Variants in UGT2B7 observed in about 807,000 individuals in gnomAD.
The protein encoded by UGT2B7 is UDP glucuronosyltransferase family 2 member B7.
A neutral mutation model predicts 51.9 loss-of-function variants in UGT2B7; 51 were observed. That is an observed-to-expected ratio of 0.98 (90% CI 0.78 to 1.24). UGT2B7 has a LOEUF of 1.24. Among genes scored for constraint, UGT2B7 ranks in the 50% most tolerant of loss-of-function variants. The pLI, the probability that UGT2B7 is intolerant of heterozygous loss-of-function variation, is 0.00. For synonymous variants in UGT2B7, 225 were observed against 211.6 expected (o/e 1.06, Z -0.55); for missense variants, 727 against 628.4 (o/e 1.16, Z -1.68).
rs12647682 is a variant in UGT2B7, at chr4:69,097,450, A to G, written c.721+209A>G. ...AAAACCCTGTGGCCATCACTCACAC[A>G]GAACACCCCAGGAAATCATAAACCT... On this transcript the variant is annotated intron_variant, in intron 1 of 5. Coordinates refer to ENST00000305231, the MANE Select transcript of UGT2B7 (RefSeq NM_001074.4). 0.58 allele frequency among the ~76,000 whole-genome samples: 87,177 copies of G among 151,452 alleles called. 26,058 individuals are homozygous for G. Among genetic ancestry groups the G allele is most frequent in the African/African-American group, 0.71 (29,408 of 41,316 alleles).
chr4:69,107,678 C>T (rs1371608289), intron 4 of UGT2B7, among the ~76,000 whole-genome samples: 1 of 152,268 alleles, frequency 6.6e-6, no homozygotes, highest in African/African-American at 2.4e-5. Context: ...CTTAATCATA[C>T]AGTGATGATA....
At chr4:69,105,543 T>C (rs1399295828) in intron 3 of UGT2B7, among the ~76,000 whole-genome samples, 1 of 152,210 alleles carries the variant, frequency 6.6e-6, no homozygotes, top group African/African-American at 2.4e-5. Flanking sequence ...CAAAGCTTTG[T>C]AGCACGTTGT....
intron 5 of UGT2B7, 42 bp from the exon 6 acceptor site, chr4:69,112,415 A>G: frequency 6.3e-7 from 1 of 1,589,314 alleles, no homozygotes. Flanking sequence ...TTTTGTCTGT[A>G]ACTCTTCCTG....
chr4:69,072,880 C>T (rs1401482638), intron 1 of UGT2B7, among the ~76,000 whole-genome samples: 1 of 152,058 alleles, frequency 6.6e-6, no homozygotes, highest in African/African-American at 2.4e-5. Context: ...CATTTGTTAT[C>T]ATTATAAAAG....
chr4:69,097,007 C>A lies in UGT2B7; in HGVS notation c.487C>A (p.Leu163Ile). ...IFPCSELLAE[L>I]FNIPFVYSLS... ...TCCCTGTAGTGAGCTGCTGGCTGAG[C>A]TATTTAACATACCCTTTGTGTACAG... The change falls in exon 1 of 6, where the codon CTA (leucine) becomes ATA (isoleucine). Residue 163 changes from leucine (L) to isoleucine (I), a missense_variant. Leu to Ile is a conservative substitution (Grantham distance 5). Coordinates refer to ENST00000305231, the MANE Select transcript of UGT2B7 (RefSeq NM_001074.4). The A allele has an allele frequency of 6.2e-7, 1 of 1,613,804 alleles. No homozygotes were observed. Among genetic ancestry groups the A allele is most frequent in the Non-Finnish European group, 8.5e-7 (1 of 1,179,800 alleles).
At chr4:69,087,691 G>T (rs1560505748) in intron 1 of UGT2B7, among the ~76,000 whole-genome samples, 2 of 147,890 alleles carry the variant, frequency 1.4e-5, no homozygotes, top group Non-Finnish European at 3.0e-5. Context: ...TTGAAGAATT[G>T]CTTCGGTAGG....
chr4:69,104,954 G>A (rs1384995794), intron 3 of UGT2B7, among the ~76,000 whole-genome samples: 2 of 152,264 alleles, frequency 1.3e-5, no homozygotes, highest in Non-Finnish European at 2.9e-5. Context: ...ACTATTCAGA[G>A]ACAGAACAGC....
intron 1 of UGT2B7, among the ~76,000 whole-genome samples, chr4:69,056,669 C>CGGGCGCGGT (rs1718209823): frequency 6.6e-6 from 1 of 151,878 alleles, no homozygotes; most frequent in African/African-American, 2.4e-5. Context: ...ACCTACTTAC[C>CGGGCGCGGT]GCTCCTTTGT....
rs1560499746 is a variant in UGT2B7, at chr4:69,064,090, A to AG, written c.-159+12488_-159+12489insG. On this transcript the variant is annotated intron_variant, in intron 1 of 5. Coordinates refer to the UGT2B7 transcript ENST00000502942. ...AAAGAAAGAAAGAAAGAAAGAAAGA[A>AG]AGAAAGAGAAAGAAAGAAAGAAAAA... Among the ~76,000 whole-genome samples the AG allele has an allele frequency of 1.6e-3, 157 of 97,646 alleles. 5 individuals carry two copies. The highest frequency in any genetic ancestry group is 5.4e-3 in the Middle Eastern group (1 of 186). 64.1% of individuals were successfully genotyped at this position (97,646 alleles called of 152,430 possible).
intron 5 of UGT2B7, among the ~76,000 whole-genome samples, chr4:69,111,266 A>G (rs1719763401): frequency 6.6e-6 from 1 of 152,174 alleles, no homozygotes; most frequent in South Asian, 2.1e-4. Context: ...CAAATAACAG[A>G]GTTGGATTTT....
intron 1 of UGT2B7, among the ~76,000 whole-genome samples, chr4:69,070,138 TC>T (rs1197163848): frequency 6.6e-6 from 1 of 150,788 alleles, no homozygotes; most frequent in African/African-American, 2.4e-5. Context: ...AAAATGAGAT[TC>T]ACTAGAAACT....
chr4:69,064,558 C>A (rs1171180556), intron 1 of UGT2B7, among the ~76,000 whole-genome samples: 2 of 152,160 alleles, frequency 1.3e-5, no homozygotes, highest in Non-Finnish European at 2.9e-5. Flanking sequence ...CATGTGTAAT[C>A]CCGAGTTATG....
At chr4:69,102,651 A>G (rs567871941) in intron 2 of UGT2B7, among the ~76,000 whole-genome samples, 156 bp from the exon 3 acceptor site, 20 of 152,250 alleles carry the variant, frequency 1.3e-4, no homozygotes, top group Admixed American at 3.9e-4. Flanking sequence ...TCTACTTGCA[A>G]AAAAACTGAG....
upstream of UGT2B7, chr4:69,096,399 T>C: frequency 6.8e-7 from 1 of 1,462,070 alleles, no homozygotes; most frequent in South Asian, 1.3e-5. Context: ...TTAATGATAT[T>C]GTATGTACTT....
chr4:69,057,554 A>C (rs1381175675), intron 1 of UGT2B7, among the ~76,000 whole-genome samples: 1 of 152,250 alleles, frequency 6.6e-6, no homozygotes, highest in African/African-American at 2.4e-5. Flanking sequence ...AATTAAAATC[A>C]GGATCTCAAA....
rs777092380 is a variant in UGT2B7 at position 69,096,671 on chromosome 4, C to G, written c.151C>G (p.His51Asp). The G allele has an allele frequency of 6.2e-7, 1 of 1,613,988 alleles. No homozygotes were observed. Among genetic ancestry groups the G allele is most frequent in the Non-Finnish European group, 8.5e-7 (1 of 1,179,934 alleles). ...CCTGGATGAGCTTATTCAGAGAGGT[C>G]ATGAGGTGACTGTACTGGCATCTTC... is the stretch of plus-strand genomic sequence containing the variant. ...TILDELIQRG[H>D]EVTVLASSAS... Residue 51 changes from histidine to aspartate, a missense_variant, in exon 1 of 6, where the codon CAT becomes GAT. By Grantham distance (81) the His-to-Asp change is moderately conservative. Transcript: ENST00000305231.
intron 1 of UGT2B7, among the ~76,000 whole-genome samples, chr4:69,057,170 C>A (rs1718223540): frequency 6.6e-6 from 1 of 152,216 alleles, no homozygotes; most frequent in Non-Finnish European, 1.5e-5. Context: ...CAATCATGAA[C>A]TTTTCATGTG....
At chr4:69,071,831 T>C (rs1718608623) in intron 1 of UGT2B7, among the ~76,000 whole-genome samples, 1 of 152,086 alleles carries the variant, frequency 6.6e-6, no homozygotes, top group Admixed American at 6.6e-5. Context: ...TAGTAATGTC[T>C]TCTTTATAAA....
rs569519019 is a variant in UGT2B7, at chr4:69,107,190, G to C, written c.1018G>C (p.Asp340His). The change falls in exon 4 of 6, where the codon GAT becomes CAT. Residue 340 changes from aspartate to histidine, a missense_variant. By Grantham distance (81) the Asp-to-His change is moderately conservative. Transcript: ENST00000305231. ...ATTGTAACAGGTTCTGTGGAGATTT[G>C]ATGGGAATAAACCAGATACCTTAGG... ...QIPQKVLWRF[D>H]GNKPDTLGLN... is the part of the protein sequence containing the mutation. 246 of 1,608,642 alleles carry C rather than the reference G, an allele frequency of 1.5e-4. 1 individual carries two copies. In the South Asian group the frequency reaches 2.0e-3, roughly 13 times the overall value.
Sources: gnomAD v4.1 joint callset for allele counts (sites outside exome capture counted in the v4.1 genomes callset) on GRCh38, gnomAD v4.1.1 for gene constraint, MANE v1.5 for transcripts, NCBI Gene and HGNC (gene_info 2026-07-23, HGNC 2026-07-21) for gene names.